The following LCT variants were observed in gnomAD, a reference collection of about 807,000 sequenced individuals.
LCT encodes the protein lactase/phlorizin hydrolase.
In LCT, 90 loss-of-function variants were observed where a neutral mutation model predicts 173.0. The ratio of observed to expected loss-of-function variants is 0.52; its 90% CI spans 0.44 to 0.62. The LOEUF is 0.62. Among genes scored for constraint, LCT ranks in the 20% least tolerant of loss-of-function variants. The probability of loss-of-function intolerance (pLI) is 0.00; values close to 1 mark genes in which losing one functional copy is unlikely to be tolerated. For missense variants in LCT, 1,864 were observed against 2,431.4 expected (o/e 0.77, Z 4.91); for synonymous variants, 853 against 957.6 (o/e 0.89, Z 2.02).
Position 135,835,759 on chromosome 2 carries a change from A to G in LCT, c.640+771T>C, listed in dbSNP as rs531508766. 4.0e-5 allele frequency among the ~76,000 whole-genome samples: 6 copies of G among 149,644 alleles called. No homozygotes were observed. The Admixed American group carries it at 4.0e-4, about 10-fold the overall frequency. ...TTGTGCTCTCCTCATCCTGTGATAT[A>G]TAATTGTTTCATCTTGTATTTGTCT... On this transcript the variant is annotated intron_variant, in intron 1 of 16. Coordinates refer to ENST00000264162, the MANE Select transcript of LCT (RefSeq NM_002299.4).
intron 1 of LCT, among the ~76,000 whole-genome samples, chr2:135,833,837 A>G (rs898792707): frequency 6.6e-6 from 1 of 152,124 alleles, no homozygotes; most frequent in Non-Finnish European, 1.5e-5. Context: ...ATTTTTCTGA[A>G]CAGAAATTCT....
Position 135,823,825 on chromosome 2 carries a change from G to A in LCT, c.907+76C>T, listed in dbSNP as rs1055345609. ...ATGCTCCTCCTCCCATTGGAACCCC[G>A]GACTTTCAAGACTGCTACCTAGCAC... On this transcript the variant is annotated intron_variant, in intron 4 of 16. Coordinates refer to ENST00000264162, the MANE Select transcript of LCT (RefSeq NM_002299.4). 3.6e-5 allele frequency: 36 copies of A among 994,736 alleles called. No homozygotes were observed. In the Middle Eastern group the frequency reaches 1.1e-3, roughly 32 times the overall value. 61.6% of individuals were successfully genotyped at this position (994,736 alleles called of 1,614,324 possible). A position where few individuals can be genotyped will look rare whatever the true frequency, so the allele number is the denominator to read the frequency against.
Position 135,812,879 on chromosome 2 carries a change from C to T in LCT, c.1785G>A (p.Gly595=), listed in dbSNP as rs1393500611. The T allele has an allele frequency of 3.1e-6, 5 of 1,614,074 alleles. No homozygotes were observed. The highest frequency in any genetic ancestry group is 1.6e-4 in the Middle Eastern group (1 of 6,084). ...CTGAGTTCAGCACAATGCCCACGTGCCCCTGCTGCTGTGGGCGATGATGGC... is the reference window on the plus strand; with the variant it reads ...CTGAGTTCAGCACAATGCCCACGTGTCCCTGCTGCTGTGGGCGATGATGGC... ...YNSHHRPQQQ[G]HVGIVLNSDW... is the part of the protein sequence containing the mutation. The change falls in exon 7 of 17, where the codon GGG becomes GGA. Residue 595 remains glycine, a synonymous_variant. Transcript: ENST00000264162.
At chr2:135,801,190 A>T (rs1162036173) in intron 11 of LCT, among the ~76,000 whole-genome samples, 4 of 152,092 alleles carry the variant, frequency 2.6e-5, no homozygotes, top group Non-Finnish European at 5.9e-5. Flanking sequence ...CCCATAATAG[A>T]GATACCTATC....
In LCT at chr2:135,829,424, C is replaced by CTA. The variant is rs2077915084; in HGVS notation, c.804+168_804+169insTA. Among the ~76,000 whole-genome samples the CTA allele has an allele frequency of 3.3e-5, 5 of 152,230 alleles. No homozygotes were observed. In the East Asian group the frequency reaches 9.6e-4, roughly 29 times the overall value. On this transcript the variant is annotated intron_variant, in intron 3 of 16. Coordinates refer to ENST00000264162, the MANE Select transcript of LCT (RefSeq NM_002299.4). ...CTTCTAGGAAAGACTGCCTAACATC[C>CTA]GATGTTCTCTAGGGATGCTTGCAAT... is the stretch of plus-strand genomic sequence containing the variant.
chr2:135,815,737 C>T (rs1371527220), intron 6 of LCT, among the ~76,000 whole-genome samples: 1 of 151,990 alleles, frequency 6.6e-6, no homozygotes, highest in African/African-American at 2.4e-5. Flanking sequence ...GTCACCCAGG[C>T]TGCCCAGGCT....
At position 135,788,499 on chromosome 2, in the gene LCT, A is replaced by T; in HGVS notation, c.5609T>A (p.Phe1870Tyr). ...ISPVRQEEVQ[F>Y]LGLMLGTTEA... ...TGTGGTGCCGAGCATTAGCCCCAGG[A>T]ACTGCACCTCCTCCTGTCTCACGGG... is the stretch of plus-strand genomic sequence containing the variant. Residue 1870 changes from phenylalanine to tyrosine, a missense_variant, in exon 17 of 17, where the codon TTC becomes TAC. By Grantham distance (22) the Phe-to-Tyr change is conservative. This residue lies in a region of LCT where 514 missense variants were observed against 750.1 expected (regional missense o/e 0.69). Coordinates refer to ENST00000264162, the MANE Select transcript of LCT (RefSeq NM_002299.4). The T allele has an allele frequency of 6.2e-7, 1 of 1,612,738 alleles. No homozygotes were observed. The highest frequency in any genetic ancestry group is 8.5e-7 in the Non-Finnish European group (1 of 1,179,888).
chr2:135,798,172 TACAGGTGGGC>T, intron 12 of LCT, 34 bp from the exon 13 acceptor site: 1 of 1,134,022 alleles, frequency 8.8e-7, no homozygotes, highest in Non-Finnish European at 1.4e-6. Context: ...GCCCAGGCGT[TACAGGTGGGC>T]ACAGCAAGAG....
intron 3 of LCT, among the ~76,000 whole-genome samples, chr2:135,829,084 G>C (rs1279079684): frequency 6.6e-6 from 1 of 152,020 alleles, no homozygotes; most frequent in Admixed American, 6.6e-5. Flanking sequence ...TCAGCTACTG[G>C]AGAGGCTGAG....
rs1248882212 is a variant in LCT at position 135,817,818 on chromosome 2, G to T, written c.1230C>A (p.Ile410=). Residue 410 remains isoleucine (I), a synonymous_variant, in exon 6 of 17, where the codon ATC becomes ATA. Coordinates refer to ENST00000264162, the MANE Select transcript of LCT (RefSeq NM_002299.4). ...TGTTCAGGGGCCTGCGTGGATCCCA[G>T]ATGCTCACCCCTCTCCCACCCTCGG... ...GWAEGGRGVS[I]WDPRRPLNTT... The T allele has an allele frequency of 6.2e-7, 1 of 1,613,910 alleles. No homozygotes were observed. Among genetic ancestry groups the T allele is most frequent in the East Asian group, 2.2e-5 (1 of 44,878 alleles).
intron 12 of LCT, among the ~76,000 whole-genome samples, chr2:135,799,834 A>T (rs915383638): frequency 1.3e-5 from 2 of 152,226 alleles, no homozygotes; most frequent in African/African-American, 2.4e-5. Context: ...TTGGCAAATT[A>T]GGGGCACTAA....
chr2:135,791,573 G>A (rs2077533434), intron 14 of LCT, among the ~76,000 whole-genome samples: 1 of 152,222 alleles, frequency 6.6e-6, no homozygotes, highest in Non-Finnish European at 1.5e-5. Flanking sequence ...AAAAAAAAAT[G>A]TTGGTTTTAT....
intron 14 of LCT, among the ~76,000 whole-genome samples, chr2:135,793,971 C>CAAAA (rs34100426): frequency 5.7e-4 from 71 of 124,228 alleles, no homozygotes; most frequent in Non-Finnish European, 1.8e-4. Context: ...TGCTAAAATA[C>CAAAA]AAAAAAAAAA....
intron 1 of LCT, among the ~76,000 whole-genome samples, chr2:135,835,953 G>C (rs1455229470): frequency 7.3e-6 from 1 of 137,104 alleles, no homozygotes; most frequent in South Asian, 2.4e-4. Context: ...ACTGGGCAAG[G>C]GGTATTTCAA....
chr2:135,807,310 T>G lies in LCT; in HGVS notation c.3991A>C (p.Lys1331Gln), dbSNP rs2077685006. 6.2e-7 allele frequency: 1 copy of G among 1,614,176 alleles called. No individual in the cohort carries two copies. Among genetic ancestry groups the G allele is most frequent in the Non-Finnish European group, 8.5e-7 (1 of 1,180,008 alleles). ...NFEWLNGYTV[K>Q]FGLYHVDFNN... ...AAATCAACATGGTACAGTCCAAACT[T>G]GACCGTGTAGCCATTTAGCCACTCA... Residue 1331 changes from lysine (K) to glutamine (Q), a missense_variant, in exon 9 of 17, where the codon AAG becomes CAG. By Grantham distance (53) the Lys-to-Gln change is moderately conservative (BLOSUM62 1). Coordinates refer to ENST00000264162, the MANE Select transcript of LCT (RefSeq NM_002299.4).
intron 3 of LCT, among the ~76,000 whole-genome samples, chr2:135,826,145 A>G (rs1382539092): frequency 2.6e-5 from 4 of 152,180 alleles, no homozygotes; most frequent in African/African-American, 7.2e-5. Flanking sequence ...ATAGATAACC[A>G]TTGCAGAACA....
chr2:135,814,143 C>T (rs543966715), intron 6 of LCT, among the ~76,000 whole-genome samples: 3 of 152,246 alleles, frequency 2.0e-5, no homozygotes, highest in East Asian at 3.9e-4. Context: ...TTCCTTTTTC[C>T]TTTTTATCAT....
intron 8 of LCT, 99 bp downstream of exon 8, chr2:135,808,344 T>A (rs1200507725): frequency 8.5e-6 from 8 of 940,356 alleles, no homozygotes; most frequent in African/African-American, 1.6e-5. Flanking sequence ...AAGAGAGAGA[T>A]CTATTGATGG....
Position 135,790,601 on chromosome 2 carries a change from T to A in LCT, c.5335+57A>T. On this transcript the variant is annotated intron_variant, in intron 15 of 16. Coordinates refer to ENST00000264162, the MANE Select transcript of LCT (RefSeq NM_002299.4). This position sits in a 1 kb window ranked among gnomAD's most constrained non-coding sequence, Gnocchi z 4.1. ...GGACGCTGTATCACACTCCTGCAAA[T>A]AGCAGATGTTTCCAACAGGGGAAGG... 9.0e-7 allele frequency: 1 copy of A among 1,108,940 alleles called. No homozygotes were observed. The highest frequency in any genetic ancestry group is 1.4e-6 in the Non-Finnish European group (1 of 722,134). 68.7% of individuals were successfully genotyped at this position (1,108,940 alleles called of 1,614,324 possible).
Sources: allele counts gnomAD v4.1 joint callset (sites outside exome capture counted in the v4.1 genomes callset), GRCh38; gene constraint gnomAD v4.1.1; regional missense constraint gnomAD v4.1.1; non-coding constraint Gnocchi (gnomAD v3.1); transcripts MANE v1.5; gene names NCBI Gene and HGNC (gene_info 2026-07-23, HGNC 2026-07-21).